The following ABLIM2 variants were observed in gnomAD, a reference collection of about 807,000 sequenced individuals.
The protein encoded by ABLIM2 is actin-binding LIM protein 2.
Under a neutral mutation model 97.7 loss-of-function variants are expected in ABLIM2, and 53 were observed. That is an observed-to-expected ratio of 0.54 (90% CI 0.44 to 0.68). The LOEUF is 0.68. ABLIM2 is among the 30% of genes least tolerant of loss of function. ABLIM2 has a pLI of 0.00. For synonymous variants in ABLIM2, 361 were observed against 345.8 expected (o/e 1.04, Z -0.49); for missense variants, 835 against 867.2 (o/e 0.96, Z 0.47).
chr4:7,982,861 G>A lies in ABLIM2; in HGVS notation c.1824+403C>T, dbSNP rs552064599. ...TGGGATTACAGGCACCTGCCACCAC[G>A]CCCACCTAAGTTTTGTATTTTTAGT... On this transcript the variant is annotated intron_variant, in intron 20 of 20. Coordinates refer to ENST00000447017, the MANE Select transcript of ABLIM2 (RefSeq NM_001130083.2). Among the ~76,000 whole-genome samples, 380 of 152,134 alleles carry A rather than the reference G, an allele frequency of 2.5e-3. 4 individuals carry two copies. The highest frequency in any genetic ancestry group is 6.8e-3 in the Middle Eastern group (2 of 294).
At chr4:7,978,657 C>A (rs1411419452) in intron 20 of ABLIM2, among the ~76,000 whole-genome samples, 1 of 152,158 alleles carries the variant, frequency 6.6e-6, no homozygotes, top group African/African-American at 2.4e-5. Context: ...AGAAACACAG[C>A]CAGCAGGAAC....
intron 20 of ABLIM2, among the ~76,000 whole-genome samples, chr4:7,980,215 G>A (rs1272402729): frequency 1.3e-5 from 2 of 152,058 alleles, no homozygotes; most frequent in Non-Finnish European, 2.9e-5. Context: ...AAGAGGGGGC[G>A]AGTCAGACAT....
At chr4:8,025,938 G>C (rs958871655) in intron 12 of ABLIM2, among the ~76,000 whole-genome samples, 47 of 152,242 alleles carry the variant, frequency 3.1e-4, no homozygotes, top group African/African-American at 1.1e-3. Flanking sequence ...CGACTGCCGT[G>C]GACCACACGC....
chr4:8,066,897 G>T (rs889375988), intron 6 of ABLIM2, among the ~76,000 whole-genome samples: 1 of 152,204 alleles, frequency 6.6e-6, no homozygotes, highest in Admixed American at 6.5e-5. Flanking sequence ...TGTACGTTAC[G>T]TGAATGTCAC....
Position 8,020,700 on chromosome 4 carries a change from C to T in ABLIM2, c.1268-397G>A, listed in dbSNP as rs568285341. ...CTAATTATCCTTGTATATAAACATGCTGTTTTCCTTGAGAATCTAAAAATT... is the reference window on the plus strand; with the variant it reads ...CTAATTATCCTTGTATATAAACATGTTGTTTTCCTTGAGAATCTAAAAATT... On this transcript the variant is annotated intron_variant, in intron 12 of 20. Coordinates refer to ENST00000447017, the MANE Select transcript of ABLIM2 (RefSeq NM_001130083.2). 2.0e-5 allele frequency: 5 copies of T among 247,042 alleles called. No homozygotes were observed. The East Asian group carries it at 5.5e-4, about 27-fold the overall frequency. 15.3% of individuals were successfully genotyped at this position (247,042 alleles called of 1,614,324 possible).
chr4:8,080,557 G>T, intron 5 of ABLIM2, 119 bp downstream of exon 5: 1 of 1,177,844 alleles, frequency 8.5e-7, no homozygotes, highest in Non-Finnish European at 1.1e-6. Context: ...AGTAGTAGCT[G>T]TGTGAGGAAT....
intron 1 of ABLIM2, among the ~76,000 whole-genome samples, chr4:8,134,013 G>A (rs1041521206): frequency 2.0e-5 from 3 of 152,196 alleles, no homozygotes; most frequent in Non-Finnish European, 2.9e-5. Context: ...AGTGAACAGC[G>A]AGGTGAGTGC....
At chr4:8,116,614 A>T (rs1286740005) in intron 1 of ABLIM2, among the ~76,000 whole-genome samples, 2 of 152,238 alleles carry the variant, frequency 1.3e-5, no homozygotes, top group Non-Finnish European at 1.5e-5. Flanking sequence ...GTAGATGCTC[A>T]AGGGATTTTT....
At chr4:8,141,147 T>C (rs1258347218) in intron 1 of ABLIM2, among the ~76,000 whole-genome samples, 1 of 152,092 alleles carries the variant, frequency 6.6e-6, no homozygotes, top group African/African-American at 2.4e-5. Context: ...GCTCAAATCA[T>C]AGCCTTGTCT....
intron 5 of ABLIM2, among the ~76,000 whole-genome samples, chr4:8,080,313 G>A (rs1385291931): frequency 6.6e-6 from 1 of 152,154 alleles, no homozygotes; most frequent in Admixed American, 6.5e-5. Context: ...ACATCCAGGC[G>A]CCGGAAAGGC....
chr4:8,064,243 T>G (rs1805486701), intron 6 of ABLIM2, among the ~76,000 whole-genome samples: 1 of 152,276 alleles, frequency 6.6e-6, no homozygotes, highest in Non-Finnish European at 1.5e-5. Flanking sequence ...CACCGAGCAT[T>G]TGTTTTCAAC....
intron 1 of ABLIM2, among the ~76,000 whole-genome samples, chr4:8,145,688 G>A (rs901713102): frequency 6.6e-6 from 1 of 151,578 alleles, no homozygotes; most frequent in Admixed American, 6.6e-5. Context: ...TTGCTCCAGA[G>A]CAGAACTCCC....
At chr4:8,066,289 G>C (rs1260081461) in intron 6 of ABLIM2, among the ~76,000 whole-genome samples, 2 of 140,346 alleles carry the variant, frequency 1.4e-5, no homozygotes, top group African/African-American at 5.3e-5. Context: ...CTGGGCAACA[G>C]AGAGAGACTA....
intron 1 of ABLIM2, among the ~76,000 whole-genome samples, chr4:8,115,261 AG>A (rs1842315509): frequency 6.6e-6 from 1 of 152,206 alleles, no homozygotes; most frequent in Admixed American, 6.5e-5. Context: ...TGCCCTGCTC[AG>A]GGCTGGCCCG....
intron 9 of ABLIM2, among the ~76,000 whole-genome samples, chr4:8,037,304 A>C (rs1053238785): frequency 6.6e-6 from 1 of 150,996 alleles, no homozygotes; most frequent in Non-Finnish European, 1.5e-5. Flanking sequence ...GCACACACAC[A>C]CGCACATGCA....
Position 8,073,511 on chromosome 4 carries a change from G to A in ABLIM2, c.675+4117C>T, listed in dbSNP as rs1031566067. ...GAGCCCTCACCACCTCCTACAGGGT[G>A]GGGTGTGCCAGCAAGGGCTGAGCAA... On this transcript the variant is annotated intron_variant, in intron 6 of 20. Coordinates refer to ENST00000447017, the MANE Select transcript of ABLIM2 (RefSeq NM_001130083.2). Among the ~76,000 whole-genome samples the A allele has an allele frequency of 7.9e-5, 12 of 151,978 alleles. No homozygotes were observed. The East Asian group carries it at 2.3e-3, about 30-fold the overall frequency.
chr4:8,077,159 G>C (rs1037841294), intron 6 of ABLIM2, among the ~76,000 whole-genome samples: 1 of 152,138 alleles, frequency 6.6e-6, no homozygotes, highest in Admixed American at 6.5e-5. Context: ...TTTTCACACA[G>C]GGAACATGCC....
chr4:8,028,086 G>A (rs1463277511), intron 11 of ABLIM2, among the ~76,000 whole-genome samples: 1 of 152,256 alleles, frequency 6.6e-6, no homozygotes, highest in Non-Finnish European at 1.5e-5. Flanking sequence ...CTGCATAGGA[G>A]CCTTGGGCTG....
chr4:8,142,486 T>TA (rs2152947355), intron 1 of ABLIM2, among the ~76,000 whole-genome samples: 1 of 152,248 alleles, frequency 6.6e-6, no homozygotes, highest in South Asian at 2.1e-4. Flanking sequence ...GCCCAGGAGT[T>TA]AAAGAGCCAC....
Sources: gnomAD v4.1 joint callset for allele counts (sites outside exome capture counted in the v4.1 genomes callset) on GRCh38, gnomAD v4.1.1 for gene constraint, MANE v1.5 for transcripts, NCBI Gene and HGNC (gene_info 2026-07-23, HGNC 2026-07-21) for gene names.